The following NUGGC variants were observed in gnomAD, a reference collection of about 807,000 sequenced individuals.
NUGGC encodes the protein nuclear GTPase, germinal center associated.
In NUGGC, 58 loss-of-function variants were observed where a neutral mutation model predicts 92.6. The observed-to-expected ratio is 0.63, with a 90% CI of 0.51 to 0.78. The LOEUF (loss-of-function observed/expected upper bound fraction) is 0.78, where lower values mean the gene tolerates loss of function less well. Ranked by LOEUF, NUGGC falls within the 30% of genes least tolerant of loss-of-function variation. The probability of loss-of-function intolerance (pLI) is 0.00; values close to 1 mark genes in which losing one functional copy is unlikely to be tolerated. For missense variants in NUGGC, 925 were observed against 964.6 expected, an observed-to-expected ratio of 0.96 and a Z score of 0.54; for synonymous variants, 376 against 366.4, an observed-to-expected ratio of 1.03 and a Z score of -0.30.
intron 13 of NUGGC, among the ~76,000 whole-genome samples, chr8:28,034,046 G>A (rs1196723328): frequency 6.6e-6 from 1 of 152,106 alleles, no homozygotes; most frequent in African/African-American, 2.4e-5. Context: ...TCAACATCTG[G>A]GAATAACTTA....
At chr8:28,064,290 A>G (rs1334293472) in intron 7 of NUGGC, among the ~76,000 whole-genome samples, 2 of 152,160 alleles carry the variant, frequency 1.3e-5, no homozygotes, top group Admixed American at 1.3e-4. Context: ...TTTCTCATAC[A>G]TCACACACAC....
intron 13 of NUGGC, among the ~76,000 whole-genome samples, chr8:28,038,760 C>T (rs879494438): frequency 9.2e-5 from 14 of 152,106 alleles, no homozygotes; most frequent in South Asian, 2.1e-4. Flanking sequence ...GTTTAGGAGA[C>T]GCAACAGGTG....
At chr8:28,059,247 G>A (rs181777176) in intron 8 of NUGGC, among the ~76,000 whole-genome samples, 5 of 152,184 alleles carry the variant, frequency 3.3e-5, no homozygotes, top group African/African-American at 4.8e-5. Context: ...ATCACATCCC[G>A]TGAGCACACA....
chr8:28,070,627 G>A (rs1025365634), intron 2 of NUGGC, among the ~76,000 whole-genome samples: 1 of 150,076 alleles, frequency 6.7e-6, no homozygotes, highest in Non-Finnish European at 1.5e-5. Context: ...GGGTCTTACT[G>A]TGTTGCCCAG....
At chr8:28,027,683 G>C (rs925020417) in intron 17 of NUGGC, among the ~76,000 whole-genome samples, 2 of 151,926 alleles carry the variant, frequency 1.3e-5, no homozygotes, top group African/African-American at 4.8e-5. Flanking sequence ...TTTCTTTAAC[G>C]TTCTAGATTC....
At chr8:28,036,797 T>C (rs935539755) in intron 13 of NUGGC, among the ~76,000 whole-genome samples, 2 of 152,222 alleles carry the variant, frequency 1.3e-5, no homozygotes, top group African/African-American at 4.8e-5. Flanking sequence ...TGTTGAGATC[T>C]TGCCATGTCT....
intron 1 of NUGGC, among the ~76,000 whole-genome samples, chr8:28,075,710 A>G (rs1441880509): frequency 6.6e-6 from 1 of 152,182 alleles, no homozygotes; most frequent in African/African-American, 2.4e-5. Context: ...AATTAAAATC[A>G]CCATTCATCA....
At chr8:28,055,855 C>T (rs1563223927) in intron 10 of NUGGC, 110 bp downstream of exon 10, 8 of 610,746 alleles carry the variant, frequency 1.3e-5, no homozygotes, top group Non-Finnish European at 2.3e-5. Context: ...AACTAACTGT[C>T]TATTCCAAAA....
At chr8:28,070,479 G>A (rs1810561166) in intron 2 of NUGGC, 123 bp from the exon 3 acceptor site, 2 of 578,836 alleles carry the variant, frequency 3.5e-6, no homozygotes, top group Non-Finnish European at 3.0e-6. Flanking sequence ...GCTCATGTCT[G>A]TAATCTGAAG....
intron 12 of NUGGC, among the ~76,000 whole-genome samples, chr8:28,042,888 C>T (rs1250970821): frequency 6.6e-6 from 1 of 152,228 alleles, no homozygotes; most frequent in African/African-American, 2.4e-5. Flanking sequence ...TGATTCTCAA[C>T]GGTATCATCT....
At chr8:28,048,115 C>T (rs756334437) in intron 10 of NUGGC, among the ~76,000 whole-genome samples, 9 of 152,216 alleles carry the variant, frequency 5.9e-5, no homozygotes, top group Non-Finnish European at 1.2e-4. Context: ...AACCCAAATC[C>T]ATAACCACAT....
intron 10 of NUGGC, 81 bp downstream of exon 10, chr8:28,055,884 C>T (rs1810120745): frequency 2.6e-6 from 2 of 758,288 alleles, no homozygotes; most frequent in Non-Finnish European, 4.4e-6. Context: ...CTTGCAACTA[C>T]ACAATACCAG....
chr8:28,048,848 G>C (rs1809911925), intron 10 of NUGGC, among the ~76,000 whole-genome samples: 1 of 125,620 alleles, frequency 8.0e-6, no homozygotes, highest in African/African-American at 3.1e-5. Flanking sequence ...GGGTGACAGA[G>C]AGATTCCATC....
Position 28,074,416 on chromosome 8 carries a change from G to T in NUGGC, c.-6C>A. The T allele has an allele frequency of 6.2e-7, 1 of 1,613,664 alleles. No homozygotes were observed. The highest frequency in any genetic ancestry group is 8.5e-7 in the Non-Finnish European group (1 of 1,179,730). ...ACATCCTTCGTTTCTGCCATTCCTT[G>T]TTACGTGAACTCCTGCTCTTCTCAG... On this transcript the variant is annotated 5_prime_UTR_variant, in exon 2 of 19. Coordinates refer to ENST00000413272, the MANE Select transcript of NUGGC (RefSeq NM_001010906.2).
intron 6 of NUGGC, 56 bp from the exon 7 acceptor site, chr8:28,064,787 C>A: frequency 6.7e-7 from 1 of 1,486,898 alleles, no homozygotes; most frequent in African/African-American, 1.4e-5. Context: ...TCTGTTCACC[C>A]CGGTTGGCTG....
At chr8:28,057,976 G>A (rs1810190561) in intron 9 of NUGGC, among the ~76,000 whole-genome samples, 1 of 152,152 alleles carries the variant, frequency 6.6e-6, no homozygotes, top group Non-Finnish European at 1.5e-5. Flanking sequence ...TGGATCACCT[G>A]AGGTCAGGGG....
At chr8:28,056,862 A>C (rs943042303) in intron 9 of NUGGC, among the ~76,000 whole-genome samples, 3 of 152,254 alleles carry the variant, frequency 2.0e-5, no homozygotes, top group Non-Finnish European at 4.4e-5. Context: ...AATTAACTGT[A>C]GTACATACTA....
intron 16 of NUGGC, 123 bp from the exon 17 acceptor site, chr8:28,029,525 G>C: frequency 9.5e-7 from 1 of 1,049,718 alleles, no homozygotes; most frequent in Non-Finnish European, 1.4e-6. Context: ...GAAGTGGGCA[G>C]ATCAGCTGAG....
intron 4 of NUGGC, 143 bp from the exon 5 acceptor site, chr8:28,068,581 A>G: frequency 1.6e-6 from 1 of 621,976 alleles, no homozygotes; most frequent in Non-Finnish European, 2.9e-6. Context: ...GTCAAAGGAG[A>G]ATATCAATCC....
Sources: gnomAD v4.1 joint callset for allele counts (sites outside exome capture counted in the v4.1 genomes callset) on GRCh38, gnomAD v4.1.1 for gene constraint, MANE v1.5 for transcripts, NCBI Gene and HGNC (gene_info 2026-07-23, HGNC 2026-07-21) for gene names.